Variants in SYCP1 observed in about 807,000 individuals in gnomAD.
SYCP1 encodes the protein cancer/testis antigen 8.
In SYCP1, 64 loss-of-function variants were observed where a neutral mutation model predicts 153.1. The ratio of observed to expected loss-of-function variants is 0.42; its 90% CI spans 0.34 to 0.51. The LOEUF (loss-of-function observed/expected upper bound fraction) is 0.51, where lower values mean the gene tolerates loss of function less well. Among genes scored for constraint, SYCP1 ranks in the 20% least tolerant of loss-of-function variants. The pLI, the probability that SYCP1 is intolerant of heterozygous loss-of-function variation, is 0.06. For synonymous variants in SYCP1, 384 were observed against 341.8 expected (o/e 1.12, Z -1.36); for missense variants, 997 against 1,049.0 (o/e 0.95, Z 0.68).
intron 23 of SYCP1, among the ~76,000 whole-genome samples, chr1:114,943,823 A>G (rs1670530623): frequency 6.6e-6 from 1 of 151,846 alleles, no homozygotes. Flanking sequence ...CCCTAAGATA[A>G]AAGTGAATAT....
intron 28 of SYCP1, among the ~76,000 whole-genome samples, chr1:114,978,123 A>G (rs944215472): frequency 6.6e-6 from 1 of 151,624 alleles, no homozygotes; most frequent in Non-Finnish European, 1.5e-5. Flanking sequence ...TTTATTAAAA[A>G]GTATCAATAT....
chr1:114,874,314 T>C (rs1665369992), intron 8 of SYCP1, among the ~76,000 whole-genome samples, 192 bp from the exon 9 acceptor site: 1 of 152,214 alleles, frequency 6.6e-6, no homozygotes, highest in African/African-American at 2.4e-5. Flanking sequence ...ACTTCTAAGC[T>C]TCTTCACAAC....
chr1:114,855,131 T>C (rs576728646), intron 1 of SYCP1, 113 bp downstream of exon 1: 26 of 158,906 alleles, frequency 1.6e-4, no homozygotes, highest in Non-Finnish European at 2.9e-4. Flanking sequence ...TGGGTAGTGG[T>C]CCAGGAACTT....
intron 16 of SYCP1, among the ~76,000 whole-genome samples, chr1:114,898,720 C>G (rs1045623911): frequency 6.6e-6 from 1 of 152,114 alleles, no homozygotes; most frequent in Admixed American, 6.6e-5. Flanking sequence ...AGACTTTAGT[C>G]TTATACTTGG....
rs1461311820 is a variant in SYCP1, at chr1:114,913,077, T to G, written c.1574T>G (p.Leu525Arg). 6.2e-7 allele frequency: 1 copy of G among 1,612,474 alleles called. No individual in the cohort carries two copies. Among genetic ancestry groups the G allele is most frequent in the Admixed American group, 1.7e-5 (1 of 59,928 alleles). ...ELTSHCNKLSLENKELTQETS... is the reference protein window; with the variant it reads ...ELTSHCNKLSRENKELTQETS... ...ACTTCACACTGCAACAAGCTTTCAC[T>G]AGAAAACAAAGAGCTCACACAGGAA... The change falls in exon 19 of 32, where the codon CTA becomes CGA. Residue 525 changes from leucine to arginine, a missense_variant. Physicochemically the swap from Leu to Arg is moderately radical, Grantham distance 102 (BLOSUM62 -2). This residue lies in a region of SYCP1 where 712 missense variants were observed against 682.9 expected (regional missense o/e 1.04). Coordinates refer to ENST00000369522, the MANE Select transcript of SYCP1 (RefSeq NM_003176.4).
At chr1:114,859,649 G>T in intron 6 of SYCP1, 94 bp from the exon 7 acceptor site, 1 of 579,886 alleles carries the variant, frequency 1.7e-6, no homozygotes, top group Non-Finnish European at 2.5e-6. Context: ...TTAGACCATT[G>T]TGTATTAGTA....
chr1:114,941,693 G>T (rs1171962465), intron 23 of SYCP1, among the ~76,000 whole-genome samples: 1 of 151,970 alleles, frequency 6.6e-6, no homozygotes, highest in African/African-American at 2.4e-5. Context: ...TGAACTGGGG[G>T]TAAGCAGTAA....
chr1:114,985,770 A>C (rs1168477435), intron 30 of SYCP1, among the ~76,000 whole-genome samples: 1 of 151,888 alleles, frequency 6.6e-6, no homozygotes, highest in Non-Finnish European at 1.5e-5. Context: ...ACTGTGAACC[A>C]GGTACTATTG....
chr1:114,885,463 C>A, intron 12 of SYCP1, 72 bp from the exon 13 acceptor site: 1 of 883,446 alleles, frequency 1.1e-6, no homozygotes, highest in Non-Finnish European at 1.7e-6. Context: ...GACTAATTGT[C>A]ACAAATAATA....
intron 16 of SYCP1, among the ~76,000 whole-genome samples, chr1:114,909,378 G>A (rs1668026573): frequency 6.6e-6 from 1 of 151,720 alleles, no homozygotes; most frequent in African/African-American, 2.4e-5. Context: ...TCCTCTTCCA[G>A]CCACTTGTGT....
At chr1:114,894,054 T>C (rs2101590303) in intron 15 of SYCP1, among the ~76,000 whole-genome samples, 1 of 152,056 alleles carries the variant, frequency 6.6e-6, no homozygotes, top group Admixed American at 6.5e-5. Flanking sequence ...TATATATATT[T>C]TTTCTCGTAC....
Position 114,926,265 on chromosome 1 carries a change from C to T in SYCP1, c.1801-13C>T, listed in dbSNP as rs1451652266. ...ACTGAATAAAATAGCTATAATTTCTCACAATTTTTTAGTGTAACAATTTAA... is the reference window on the plus strand; with the variant it reads ...ACTGAATAAAATAGCTATAATTTCTTACAATTTTTTAGTGTAACAATTTAA... On this transcript the variant is annotated splice_polypyrimidine_tract_variant and intron_variant, in intron 21 of 31. Transcript: ENST00000369522. 2 of 1,486,930 alleles carry T rather than the reference C, an allele frequency of 1.3e-6. No individual in the cohort carries two copies. Among genetic ancestry groups the T allele is most frequent in the Non-Finnish European group, 1.8e-6 (2 of 1,110,642 alleles). 92.1% of individuals were successfully genotyped at this position (1,486,930 alleles called of 1,614,324 possible).
intron 10 of SYCP1, among the ~76,000 whole-genome samples, chr1:114,876,530 T>C (rs987294724): frequency 2.0e-5 from 3 of 151,522 alleles, no homozygotes; most frequent in Non-Finnish European, 4.4e-5. Context: ...TATAGAATTT[T>C]AGGTTATTAT....
At chr1:114,919,293 T>C (rs537519206) in intron 20 of SYCP1, among the ~76,000 whole-genome samples, 38 of 152,274 alleles carry the variant, frequency 2.5e-4, no homozygotes, top group Non-Finnish European at 5.0e-4. Flanking sequence ...CATGTTGATA[T>C]AATGTATCAC....
intron 12 of SYCP1, 136 bp from the exon 13 acceptor site, chr1:114,885,399 T>C (rs1239624080): frequency 1.9e-6 from 1 of 521,874 alleles, no homozygotes; most frequent in African/African-American, 2.1e-5. Context: ...TATTTGTGTG[T>C]CTATATTTGC....
At chr1:114,987,859 T>C (rs1449957517) in intron 30 of SYCP1, among the ~76,000 whole-genome samples, 1 of 150,168 alleles carries the variant, frequency 6.7e-6, no homozygotes, top group Non-Finnish European at 1.5e-5. Context: ...AAGGAAGACA[T>C]GGACAAAGAA....
Position 114,876,718 on chromosome 1 carries a change from ATTTGT to A in SYCP1, c.728-15_728-11del, listed in dbSNP as rs1225229131. 1 of 1,236,052 alleles carries A rather than the reference ATTTGT, an allele frequency of 8.1e-7. No individual in the cohort carries two copies. Among genetic ancestry groups the A allele is most frequent in the Non-Finnish European group, 1.1e-6 (1 of 931,928 alleles). 76.6% of individuals were successfully genotyped at this position (1,236,052 alleles called of 1,614,324 possible). On this transcript the variant is annotated splice_polypyrimidine_tract_variant and intron_variant, in intron 10 of 31. Coordinates refer to ENST00000369522, the MANE Select transcript of SYCP1 (RefSeq NM_003176.4). ...AAATTATGTTATGACATTACAGTAT[ATTTGT>A]TTTATTTTTAAAGTAAAGGAAGATT... is the stretch of plus-strand genomic sequence containing the variant.
intron 23 of SYCP1, among the ~76,000 whole-genome samples, chr1:114,938,980 A>C (rs1459682810): frequency 6.6e-6 from 1 of 152,188 alleles, no homozygotes; most frequent in Non-Finnish European, 1.5e-5. Context: ...TGGTACAGTC[A>C]CTGTGGAGAA....
At chr1:114,978,862 A>G (rs1672965470) in intron 28 of SYCP1, among the ~76,000 whole-genome samples, 1 of 151,682 alleles carries the variant, frequency 6.6e-6, no homozygotes, top group African/African-American at 2.4e-5. Flanking sequence ...GAATGGTTAG[A>G]TATAGACTTA....
Sources: gnomAD v4.1 joint callset for allele counts (sites outside exome capture counted in the v4.1 genomes callset) on GRCh38, gnomAD v4.1.1 for gene constraint, gnomAD v4.1.1 regional missense constraint, MANE v1.5 for transcripts, NCBI Gene and HGNC (gene_info 2026-07-23, HGNC 2026-07-21) for gene names.